Variants in PDE7A observed in about 807,000 individuals in gnomAD.
PDE7A encodes the protein high affinity 3',5'-cyclic-AMP phosphodiesterase 7A.
In PDE7A, 39 loss-of-function variants were observed where a neutral mutation model predicts 64.3. The observed-to-expected ratio is 0.61, with a 90% CI of 0.47 to 0.79. The LOEUF (loss-of-function observed/expected upper bound fraction) is 0.79. PDE7A is among the 30% of genes least tolerant of loss of function. The pLI, the probability that PDE7A is intolerant of heterozygous loss-of-function variation, is 0.00. For synonymous variants in PDE7A, 203 were observed against 206.8 expected (o/e 0.98, Z 0.16); for missense variants, 470 against 582.8 (o/e 0.81, Z 1.99).
chr8:65,728,811 A>C (rs1806714683), intron 7 of PDE7A, among the ~76,000 whole-genome samples: 2 of 152,210 alleles, frequency 1.3e-5, no homozygotes, highest in Non-Finnish European at 2.9e-5. Context: ...AATTAGACTG[A>C]TTTAAAAAAT....
At chr8:65,756,390 T>C (rs1412193385) in intron 3 of PDE7A, among the ~76,000 whole-genome samples, 1 of 152,228 alleles carries the variant, frequency 6.6e-6, no homozygotes, top group Admixed American at 6.5e-5. Flanking sequence ...ATTGGTACAC[T>C]TGATGGTGCC....
intron 3 of PDE7A, among the ~76,000 whole-genome samples, chr8:65,757,573 T>A (rs1229539793): frequency 1.3e-5 from 2 of 152,150 alleles, no homozygotes; most frequent in African/African-American, 4.8e-5. Flanking sequence ...AGCTAAGAGA[T>A]AATGTTGTCT....
At position 65,782,811 on chromosome 8, in the gene PDE7A, A is replaced by T; in HGVS notation, c.171T>A (p.Asp57Glu). The change falls in exon 2 of 13, where the codon GAT becomes GAA. Residue 57 changes from aspartate to glutamate, a missense_variant. Asp to Glu is a conservative substitution (Grantham distance 45). Coordinates refer to ENST00000401827, the MANE Select transcript of PDE7A (RefSeq NM_001242318.3). ...RRGAISYDSS[D>E]QTALYIRMLG... Reference sequence around the variant, plus strand: ...GCATACGAATGTATAATGCAGTCTGATCAGAACTGTCATAGGAAATAGCTC... The same window carrying T: ...GCATACGAATGTATAATGCAGTCTGTTCAGAACTGTCATAGGAAATAGCTC... 6.3e-7 allele frequency: 1 copy of T among 1,593,160 alleles called. No homozygotes were observed.
chr8:65,809,325 T>C (rs1810185846), intron 1 of PDE7A, among the ~76,000 whole-genome samples: 1 of 152,260 alleles, frequency 6.6e-6, no homozygotes, highest in South Asian at 2.1e-4. Context: ...CAGGAAGTTA[T>C]GATGCCAGTT....
At chr8:65,773,035 T>A (rs1257453118) in intron 3 of PDE7A, among the ~76,000 whole-genome samples, 1 of 151,974 alleles carries the variant, frequency 6.6e-6, no homozygotes, top group Non-Finnish European at 1.5e-5. Flanking sequence ...AAAAGTTTTG[T>A]AAGCTAACTC....
At chr8:65,829,423 C>G (rs558613754) in intron 1 of PDE7A, among the ~76,000 whole-genome samples, 1 of 152,034 alleles carries the variant, frequency 6.6e-6, no homozygotes, top group East Asian at 1.9e-4. Flanking sequence ...GTACTCTTAA[C>G]TTTTTCAAAC....
intron 7 of PDE7A, among the ~76,000 whole-genome samples, chr8:65,733,891 A>T (rs1237781373): frequency 6.6e-6 from 1 of 152,162 alleles, no homozygotes; most frequent in Admixed American, 6.5e-5. Flanking sequence ...CAGAACTAAG[A>T]TCTAGGGAGA....
At chr8:65,757,897 G>A (rs137887935) in intron 3 of PDE7A, among the ~76,000 whole-genome samples, 1,743 of 152,302 alleles carry the variant, frequency 0.011, 37 homozygotes, top group African/African-American at 0.04. Context: ...GATTACAGGT[G>A]TGAGCCACCA....
intron 3 of PDE7A, among the ~76,000 whole-genome samples, chr8:65,767,640 C>T (rs1287968005): frequency 6.6e-6 from 1 of 152,090 alleles, no homozygotes; most frequent in African/African-American, 2.4e-5. Flanking sequence ...GGAATGCTGA[C>T]CTCAAGAAGC....
At chr8:65,818,011 C>T (rs913387447) in intron 1 of PDE7A, among the ~76,000 whole-genome samples, 13 of 152,254 alleles carry the variant, frequency 8.5e-5, no homozygotes, top group Admixed American at 6.5e-4. Flanking sequence ...CTCGGCCTCC[C>T]AAGGTGCTAG....
intron 4 of PDE7A, among the ~76,000 whole-genome samples, chr8:65,746,146 C>A (rs1394035814): frequency 2.7e-5 from 4 of 149,820 alleles, no homozygotes; most frequent in Non-Finnish European, 4.4e-5. Flanking sequence ...CTGCCCAGGG[C>A]TGGTTTCAAA....
At position 65,718,345 on chromosome 8, in the gene PDE7A, G is replaced by T. The variant is rs1806228175; in HGVS notation, c.*945C>A. 1 of 152,180 alleles carries T rather than the reference G, an allele frequency of 6.6e-6. No homozygotes were observed. The highest frequency in any genetic ancestry group is 1.5e-5 in the Non-Finnish European group (1 of 68,042). 9.4% of individuals were successfully genotyped at this position (152,180 alleles called of 1,614,324 possible). A position where few individuals can be genotyped will look rare whatever the true frequency, so the allele number is the denominator to read the frequency against. On this transcript the variant is annotated 3_prime_UTR_variant, in exon 13 of 13. Transcript: ENST00000401827. ...ACCTCTCACTCACTGCAGCGAAAGG[G>T]ACTTTAGTACCCTTGATCTGAAGGA...
intron 1 of PDE7A, among the ~76,000 whole-genome samples, chr8:65,784,476 T>A (rs7014676): frequency 0.42 from 64,465 of 151,960 alleles, 17,162 homozygotes; most frequent in African/African-American, 0.76. Context: ...CAATGATTCA[T>A]ATGTTAAAAA....
At chr8:65,765,016 A>G (rs1289123714) in intron 3 of PDE7A, among the ~76,000 whole-genome samples, 1 of 152,236 alleles carries the variant, frequency 6.6e-6, no homozygotes, top group Non-Finnish European at 1.5e-5. Context: ...ATTCAATGCA[A>G]TAAAAATATA....
At chr8:65,787,430 T>A (rs1395712019) in intron 1 of PDE7A, among the ~76,000 whole-genome samples, 3 of 152,166 alleles carry the variant, frequency 2.0e-5, no homozygotes, top group Non-Finnish European at 4.4e-5. Context: ...AGTTGTGAAG[T>A]CAATTTCCTC....
At chr8:65,742,246 G>T (rs572568363) in intron 5 of PDE7A, among the ~76,000 whole-genome samples, 1 of 152,320 alleles carries the variant, frequency 6.6e-6, no homozygotes, top group African/African-American at 2.4e-5. Flanking sequence ...ATCATTTTTA[G>T]AAGGTGATCC....
chr8:65,715,668 A>G lies in PDE7A; in HGVS notation c.*3622T>C, dbSNP rs1434473675. Among the ~76,000 whole-genome samples, 3 of 143,778 alleles carry G rather than the reference A, an allele frequency of 2.1e-5. No individual in the cohort carries two copies. The highest frequency in any genetic ancestry group is 2.5e-4 in the East Asian group (1 of 4,054). 94.3% of individuals were successfully genotyped at this position (143,778 alleles called of 152,430 possible). On this transcript the variant is annotated 3_prime_UTR_variant, in exon 13 of 13. Transcript: ENST00000401827. ...GCTGGGATTACAGGTGTGAGCCACC[A>G]TGCCCGGCCACAAAAATGTTCTTAA...
At chr8:65,833,733 G>A (rs1190085078) in intron 1 of PDE7A, among the ~76,000 whole-genome samples, 1 of 152,166 alleles carries the variant, frequency 6.6e-6, no homozygotes, top group Non-Finnish European at 1.5e-5. Context: ...GGAGGCCAAG[G>A]TGGGCGGATC....
At chr8:65,765,734 A>G (rs1440135044) in intron 3 of PDE7A, 2 of 152,174 alleles carry the variant, frequency 1.3e-5, no homozygotes, top group East Asian at 3.9e-4. Flanking sequence ...AAGAACTGTC[A>G]AGCTGACAAC....
Sources: allele counts gnomAD v4.1 joint callset (sites outside exome capture counted in the v4.1 genomes callset), GRCh38; gene constraint gnomAD v4.1.1; transcripts MANE v1.5; gene names NCBI Gene and HGNC (gene_info 2026-07-23, HGNC 2026-07-21).